The following ARAP3 variants were observed in gnomAD, a reference collection of about 807,000 sequenced individuals.
The protein encoded by ARAP3 is arf-GAP with Rho-GAP domain, ANK repeat and PH domain-containing protein 3.
A neutral mutation model predicts 169.2 loss-of-function variants in ARAP3; 82 were observed. The observed-to-expected ratio is 0.48, with a 90% CI of 0.41 to 0.58. The LOEUF is 0.58. Ranked by LOEUF, ARAP3 falls within the 20% of genes least tolerant of loss-of-function variation. The pLI is 0.00. For missense variants in ARAP3, 1,764 were observed against 2,018.0 expected, an observed-to-expected ratio of 0.87 and a Z score of 2.41; for synonymous variants, 791 against 800.3, an observed-to-expected ratio of 0.99 and a Z score of 0.20.
In ARAP3 at chr5:141,680,180, C is replaced by T. The variant is rs1478011329; in HGVS notation, c.307G>A (p.Gly103Ser). Residue 103 changes from glycine (G) to serine (S), a missense_variant, in exon 2 of 33, where the codon GGT becomes AGT. This residue lies in a region of ARAP3 where 630 missense variants were observed against 678.7 expected (regional missense o/e 0.93). Transcript: ENST00000239440. Reference sequence around the variant, plus strand: ...GTGGTGGCAGGGCCACTGAGTCCACCAAACACGGTCCTGGGCTTCGGCACG... The same window carrying T: ...GTGGTGGCAGGGCCACTGAGTCCACTAAACACGGTCCTGGGCTTCGGCACG... ...KPVPKPRTVF[G>S]GLSGPATTQR... The T allele has an allele frequency of 6.2e-7, 1 of 1,608,556 alleles. No individual in the cohort carries two copies. The highest frequency in any genetic ancestry group is 8.5e-7 in the Non-Finnish European group (1 of 1,176,426).
intron 18 of ARAP3, 81 bp from the exon 19 acceptor site, chr5:141,665,166 A>G (rs1342736146): frequency 6.4e-7 from 1 of 1,564,274 alleles, no homozygotes; most frequent in Non-Finnish European, 8.7e-7. Flanking sequence ...AGCCACCAGC[A>G]GAGGGCAGCA....
chr5:141,665,699 T>G (rs895346081), intron 17 of ARAP3, among the ~76,000 whole-genome samples: 6 of 151,998 alleles, frequency 3.9e-5, no homozygotes, highest in African/African-American at 9.7e-5. Context: ...CCCAGTCCCC[T>G]CTCCCAGGAC....
At chr5:141,659,335 G>T in intron 23 of ARAP3, 73 bp downstream of exon 23, 1 of 1,436,930 alleles carries the variant, frequency 7.0e-7, no homozygotes, top group South Asian at 1.1e-5. Flanking sequence ...TTCCTCAACT[G>T]GGCAGAAAGT....
In ARAP3 at chr5:141,658,422, TC is replaced by T; in HGVS notation, c.3468del (p.Thr1157GlnfsTer9). 6.2e-7 allele frequency: 1 copy of T among 1,614,000 alleles called. No homozygotes were observed. Among genetic ancestry groups the T allele is most frequent in the Non-Finnish European group, 8.5e-7 (1 of 1,180,002 alleles). ...ELTNQVLEMR[G>X]TAAGMDLWVT... ...ACCCACAAGTCCATCCCAGCTGCTGTCCCCCGCATCTCCAGTACCTGGTTAG... is the reference window on the plus strand; with the variant it reads ...ACCCACAAGTCCATCCCAGCTGCTGTCCCCGCATCTCCAGTACCTGGTTAG... On this transcript the variant is annotated frameshift_variant, in exon 25 of 33. Coordinates refer to ENST00000239440, the MANE Select transcript of ARAP3 (RefSeq NM_022481.6). LOFTEE classifies it high-confidence loss of function.
intron 17 of ARAP3, among the ~76,000 whole-genome samples, chr5:141,666,039 CAA>C (rs764552450): frequency 8.6e-5 from 10 of 116,264 alleles, no homozygotes; most frequent in South Asian, 6.1e-4. Context: ...ACTCTGTCTC[CAA>C]AAAAAAAAAA....
Position 141,680,211 on chromosome 5 carries a change from A to AG in ARAP3, c.275dup (p.Lys93Ter). 6.2e-7 allele frequency: 1 copy of AG among 1,612,208 alleles called. No homozygotes were observed. The highest frequency in any genetic ancestry group is 8.5e-7 in the Non-Finnish European group (1 of 1,179,040). ...CGGTCCTGGGCTTCGGCACGGGCTT[A>AG]GGGGGCTGGGCTTGCGGGGCTGGGC... On this transcript the variant is annotated frameshift_variant, in exon 2 of 33. Transcript: ENST00000239440. LOFTEE classifies it high-confidence loss of function.
At chr5:141,676,165 T>G (rs2099912158) in intron 4 of ARAP3, among the ~76,000 whole-genome samples, 2 of 152,130 alleles carry the variant, frequency 1.3e-5, no homozygotes, top group South Asian at 2.1e-4. Context: ...CTGGCCAACA[T>G]GGTGAAACCC....
intron 16 of ARAP3, 75 bp from the exon 17 acceptor site, chr5:141,666,718 G>T: frequency 1.4e-6 from 1 of 722,110 alleles, no homozygotes; most frequent in South Asian, 4.2e-5. Context: ...AAATGAGAGT[G>T]ACCGGGGTAG....
intron 21 of ARAP3, 111 bp from the exon 22 acceptor site, chr5:141,660,037 T>C: frequency 7.2e-7 from 1 of 1,385,992 alleles, no homozygotes; most frequent in South Asian, 1.6e-5. Flanking sequence ...AGTAAGATAA[T>C]ATTGGCCTCA....
intron 26 of ARAP3, 22 bp downstream of exon 26, chr5:141,656,696 T>C (rs1483422738): frequency 1.2e-6 from 2 of 1,612,934 alleles, no homozygotes; most frequent in Admixed American, 1.7e-5. Flanking sequence ...TGGGGGATGC[T>C]GGGCAGAGGA....
chr5:141,669,732 C>T lies in ARAP3; in HGVS notation c.2329G>A (p.Ala777Thr). The part of the protein sequence containing the change: ...FGTDGADSLE[A>T]WTSAVGKWFS... ...ACCTTGCCCACAGCACTAGTCCAGG[C>T]CTCCAGACTGTCAGCTCCATCTGTG... The change falls in exon 16 of 33, where the codon GCC becomes ACC. Residue 777 changes from alanine (A) to threonine (T), a missense_variant. Physicochemically the swap from Ala to Thr is moderately conservative, Grantham distance 58. Transcript: ENST00000239440. The T allele has an allele frequency of 6.2e-7, 1 of 1,614,098 alleles. No individual in the cohort carries two copies. Among genetic ancestry groups the T allele is most frequent in the Middle Eastern group, 1.7e-4 (1 of 6,058 alleles).
chr5:141,663,000 C>T (rs2099910167), intron 19 of ARAP3, among the ~76,000 whole-genome samples: 2 of 152,172 alleles, frequency 1.3e-5, no homozygotes, highest in Admixed American at 6.5e-5. Flanking sequence ...TTATTGTAAC[C>T]AGAGGCTAGC....
Position 141,671,827 on chromosome 5 carries a change from C to T in ARAP3, c.1671+68G>A. The T allele has an allele frequency of 6.2e-7, 1 of 1,611,596 alleles. No individual in the cohort carries two copies. Among genetic ancestry groups the T allele is most frequent in the Non-Finnish European group, 8.5e-7 (1 of 1,178,290 alleles). Reference sequence around the variant, plus strand: ...CAGATGTTCCATTCCTGTCCCCAGGCTGGCCCAAGGCCTGCTTCTGGACGC... The same window carrying T: ...CAGATGTTCCATTCCTGTCCCCAGGTTGGCCCAAGGCCTGCTTCTGGACGC... On this transcript the variant is annotated intron_variant, in intron 11 of 32. Coordinates refer to ENST00000239440, the MANE Select transcript of ARAP3 (RefSeq NM_022481.6). The surrounding 1 kb of genome is among the most constrained non-coding windows in gnomAD (Gnocchi z 4.9).
Position 141,673,725 on chromosome 5 carries a change from G to A in ARAP3, c.782C>T (p.Pro261Leu). Residue 261 changes from proline (P) to leucine (L), a missense_variant, in exon 5 of 33, where the codon CCC (proline) becomes CTC (leucine). Around this residue, in one of 3 missense-constraint regions of ARAP3, gnomAD observed 630 missense variants for 678.7 expected, o/e 0.93. Transcript: ENST00000239440. ...ACTGGTCTCCTCTGTTTCCAGGGTG[G>A]GCGATAAGAGGGTGGAGTCTCCAGG... is the stretch of plus-strand genomic sequence containing the variant. ...ELPGDSTLLS[P>L]TLETEETSDD... is the part of the protein sequence containing the mutation. 1 of 1,614,208 alleles carries A rather than the reference G, an allele frequency of 6.2e-7. No homozygotes were observed. Among genetic ancestry groups the A allele is most frequent in the South Asian group, 1.1e-5 (1 of 91,088 alleles).
At chr5:141,662,334 A>C in intron 19 of ARAP3, 79 bp from the exon 20 acceptor site, 27 of 1,347,130 alleles carry the variant, frequency 2.0e-5, no homozygotes, top group South Asian at 2.5e-5. Flanking sequence ...TGGCCTCCCT[A>C]TGTGGTATGT....
chr5:141,679,595 G>T lies in ARAP3; in HGVS notation c.648C>A (p.Ala216=), dbSNP rs1233360529. 1 of 1,614,172 alleles carries T rather than the reference G, an allele frequency of 6.2e-7. No individual in the cohort carries two copies. Among genetic ancestry groups the T allele is most frequent in the South Asian group, 1.1e-5 (1 of 91,078 alleles). The change falls in exon 4 of 33, where the codon GCC becomes GCA. Residue 216 remains alanine, a synonymous_variant. Transcript: ENST00000239440. The part of the protein sequence containing the change: ...YGVQPVGTPG[A]PDRRESRGVC... ...CACCTCTGCTCTCTCTTCTGTCGGGGGCTCCTGGAGTCCCCACAGGTTGGA... is the reference window on the plus strand; with the variant it reads ...CACCTCTGCTCTCTCTTCTGTCGGGTGCTCCTGGAGTCCCCACAGGTTGGA...
chr5:141,679,880 G>A (rs1596500506), intron 2 of ARAP3, 58 bp from the exon 3 acceptor site: 7 of 1,610,994 alleles, frequency 4.3e-6, no homozygotes, highest in Non-Finnish European at 5.9e-6. Context: ...AAGCCTTCAT[G>A]CCCTGCTCCC....
chr5:141,669,989 T>A lies in ARAP3; in HGVS notation c.2182A>T (p.Ser728Cys). ...FASENSPEPL[S>C]LIQPQDIVCL... ...ACAATATCCTGGGGCTGTATGAGGC[T>A]GAGGGGTTCAGGGCTGTTTTCCGAT... is the stretch of plus-strand genomic sequence containing the variant. The change falls in exon 15 of 33, where the codon AGC becomes TGC. Residue 728 changes from serine to cysteine, a missense_variant. Physicochemically the swap from Ser to Cys is moderately radical, Grantham distance 112 (BLOSUM62 -1). Transcript: ENST00000239440. The A allele has an allele frequency of 3.1e-6, 5 of 1,598,652 alleles. No homozygotes were observed. The highest frequency in any genetic ancestry group is 4.3e-6 in the Non-Finnish European group (5 of 1,176,070).
chr5:141,662,648 G>A (rs2099910114), intron 19 of ARAP3, among the ~76,000 whole-genome samples: 1 of 152,140 alleles, frequency 6.6e-6, no homozygotes, highest in South Asian at 2.1e-4. Context: ...TATGAACAGA[G>A]TGAAGAAAAA....
Sources: allele counts gnomAD v4.1 joint callset (sites outside exome capture counted in the v4.1 genomes callset), GRCh38; gene constraint gnomAD v4.1.1; regional missense constraint gnomAD v4.1.1; non-coding constraint Gnocchi (gnomAD v3.1); transcripts MANE v1.5; gene names NCBI Gene and HGNC (gene_info 2026-07-23, HGNC 2026-07-21).